The following PLCH2 variants were observed in gnomAD, a reference collection of about 807,000 sequenced individuals.
PLCH2 encodes the protein phospholipase C eta 2.
A neutral mutation model predicts 134.7 loss-of-function variants in PLCH2; 98 were observed. That is an observed-to-expected ratio of 0.73 (90% CI 0.62 to 0.86). The LOEUF is 0.86. Ranked by LOEUF, PLCH2 falls within the 40% of genes least tolerant of loss-of-function variation. The probability of loss-of-function intolerance (pLI) is 0.00; values close to 1 mark genes in which losing one functional copy is unlikely to be tolerated. For missense variants in PLCH2, 1,994 were observed against 1,986.6 expected, an observed-to-expected ratio of 1.00 and a Z score of -0.07; for synonymous variants, 974 against 827.5, an observed-to-expected ratio of 1.18 and a Z score of -3.04.
the PLCH2 span, among the ~76,000 whole-genome samples, chr1:2,416,072 G>A: frequency 2.6e-5 from 4 of 152,248 alleles, no homozygotes; most frequent in Non-Finnish European, 5.9e-5. Context: ...CAGGTGATCT[G>A]ACGCACCAGC....
Position 2,498,388 on chromosome 1 carries a change from C to T in PLCH2, c.2225-135C>T. 1 of 990,594 alleles carries T rather than the reference C, an allele frequency of 1.0e-6. No individual in the cohort carries two copies. The highest frequency in any genetic ancestry group is 1.5e-6 in the Non-Finnish European group (1 of 682,144). 61.4% of individuals were successfully genotyped at this position (990,594 alleles called of 1,614,324 possible). On this transcript the variant is annotated intron_variant, in intron 16 of 21. Coordinates refer to ENST00000378486, the MANE Select transcript of PLCH2 (RefSeq NM_014638.4). The surrounding 1 kb of genome is among the most constrained non-coding windows in gnomAD (Gnocchi z 5.4). ...CCGAGGTGCCCCCCTGGACCACTGC[C>T]TCCCTCCCTCCCCCTGGCACCGGCT...
intron 20 of PLCH2, chr1:2,501,141 C>G (rs1278862926): frequency 6.6e-6 from 1 of 152,006 alleles, no homozygotes; most frequent in Non-Finnish European, 1.5e-5. Context: ...AATCAGGAAG[C>G]TGATTCAAGT....
chr1:2,425,720 C>T (rs12117837), upstream of PLCH2, among the ~76,000 whole-genome samples: 493 of 146,096 alleles, frequency 3.4e-3, 2 homozygotes, highest in Admixed American at 5.4e-3. Context: ...GATGGAGTTT[C>T]ACCATGTTGC....
At chr1:2,445,983 C>T (rs915437246) in intron 2 of PLCH2, among the ~76,000 whole-genome samples, 1 of 152,210 alleles carries the variant, frequency 6.6e-6, no homozygotes, top group Non-Finnish European at 1.5e-5. Context: ...GCCCGAGCCC[C>T]ATGCCAGAGC....
At chr1:2,441,243 C>A (rs1315788524) in intron 2 of PLCH2, among the ~76,000 whole-genome samples, 3 of 152,214 alleles carry the variant, frequency 2.0e-5, no homozygotes, top group African/African-American at 7.2e-5. Flanking sequence ...CCCCTGCCAG[C>A]CCCTGCTGTG....
chr1:2,487,294 C>T lies in PLCH2; in HGVS notation c.1032C>T (p.Tyr344=), dbSNP rs371376561. The T allele has an allele frequency of 6.2e-7, 1 of 1,613,742 alleles. No individual in the cohort carries two copies. Among genetic ancestry groups the T allele is most frequent in the African/African-American group, 1.3e-5 (1 of 74,936 alleles). Residue 344 remains tyrosine (Y), a synonymous_variant, in exon 7 of 22, where the codon TAC becomes TAT. Transcript: ENST00000378486. ...TCATCACCTCGTCCCACAACACCTACCTCGTGGGTGACCAGCTCATGTCCC... is the reference window on the plus strand; with the variant it reads ...TCATCACCTCGTCCCACAACACCTATCTCGTGGGTGACCAGCTCATGTCCC... ...HYFITSSHNT[Y]LVGDQLMSQS...
chr1:2,462,099 C>T (rs577239241), intron 2 of PLCH2, among the ~76,000 whole-genome samples: 3 of 144,964 alleles, frequency 2.1e-5, no homozygotes, highest in South Asian at 4.6e-4. Flanking sequence ...CTCCACCTGA[C>T]ACCCCCTCCG....
In PLCH2 at chr1:2,439,812, G is replaced by C. The variant is rs1639604813; in HGVS notation, c.115+9183G>C. Among the ~76,000 whole-genome samples the C allele has an allele frequency of 6.6e-6, 1 of 152,190 alleles. No individual in the cohort carries two copies. The highest frequency in any genetic ancestry group is 2.1e-4 in the South Asian group (1 of 4,820). ...TCCACTGAGGAAAGGCATTGCCTGA[G>C]AGACACCGCAGCCAGGCCTGGCTGG... On this transcript the variant is annotated intron_variant, in intron 2 of 3. Coordinates refer to the PLCH2 transcript ENST00000609981. The surrounding 1 kb of genome is among the most constrained non-coding windows in gnomAD (Gnocchi z 4.7).
chr1:2,436,337 C>CT (rs1639367209), intron 2 of PLCH2, among the ~76,000 whole-genome samples: 1 of 10,210 alleles, frequency 9.8e-5, no homozygotes. Context: ...CCCTTCCTCC[C>CT]TCCACCTTTC....
chr1:2,491,122 G>A (rs1642553014), intron 10 of PLCH2, 70 bp from the exon 11 acceptor site: 13 of 1,459,694 alleles, frequency 8.9e-6, no homozygotes, highest in South Asian at 1.3e-5. Context: ...CTGTGACCCT[G>A]GGGGTTGTCA....
intron 10 of PLCH2, among the ~76,000 whole-genome samples, chr1:2,490,814 C>T (rs1257191262): frequency 6.6e-6 from 1 of 152,212 alleles, no homozygotes; most frequent in African/African-American, 2.4e-5. Flanking sequence ...CGGGGGGCTG[C>T]ACTGGCAGGG....
chr1:2,443,121 G>T (rs1435019402), intron 2 of PLCH2, among the ~76,000 whole-genome samples: 1 of 152,188 alleles, frequency 6.6e-6, no homozygotes, highest in Non-Finnish European at 1.5e-5. Flanking sequence ...GGCACAGGAG[G>T]CAGCACCAAG....
At chr1:2,495,039 C>T (rs1019228843) in intron 12 of PLCH2, 91 bp downstream of exon 12, 33 of 891,310 alleles carry the variant, frequency 3.7e-5, no homozygotes, top group African/African-American at 1.0e-4. Flanking sequence ...CCCAGTGCCC[C>T]GTGTCCTCCC....
upstream of PLCH2, among the ~76,000 whole-genome samples, chr1:2,464,326 T>C (rs188848806): frequency 1.9e-4 from 29 of 152,346 alleles, no homozygotes; most frequent in Non-Finnish European, 5.9e-5. Context: ...TGGGGCTGTT[T>C]GTGCTCAAAC....
At chr1:2,495,907 G>T (rs1642858570) in intron 13 of PLCH2, among the ~76,000 whole-genome samples, 1 of 152,174 alleles carries the variant, frequency 6.6e-6, no homozygotes, top group Admixed American at 6.5e-5. Flanking sequence ...TGCCTGCCAT[G>T]AAGTGGCTCC....
chr1:2,483,329 G>A (rs1258794645), intron 4 of PLCH2, among the ~76,000 whole-genome samples: 1 of 152,198 alleles, frequency 6.6e-6, no homozygotes. Context: ...TCAGTGGGGG[G>A]CCAGGGCCGA....
intron 2 of PLCH2, among the ~76,000 whole-genome samples, chr1:2,455,402 T>C (rs1342049681): frequency 6.6e-6 from 1 of 152,092 alleles, no homozygotes; most frequent in Non-Finnish European, 1.5e-5. Flanking sequence ...GGTCCCCAAA[T>C]TTGGCGGTTC....
At chr1:2,502,820 A>G (rs1052174961) in intron 21 of PLCH2, 26 of 716,720 alleles carry the variant, frequency 3.6e-5, no homozygotes, top group Non-Finnish European at 5.2e-5. Flanking sequence ...GGGTGCCTGC[A>G]GGCAACCGGG....
upstream of PLCH2, among the ~76,000 whole-genome samples, chr1:2,463,640 T>C (rs1360012966): frequency 3.3e-5 from 5 of 151,526 alleles, no homozygotes; most frequent in African/African-American, 1.2e-4. Context: ...GCCCGGAGAC[T>C]GGTCAGAGCC....
Sources: allele counts gnomAD v4.1 joint callset (sites outside exome capture counted in the v4.1 genomes callset), GRCh38; gene constraint gnomAD v4.1.1; non-coding constraint Gnocchi (gnomAD v3.1); transcripts MANE v1.5; gene names NCBI Gene and HGNC (gene_info 2026-07-23, HGNC 2026-07-21).